FLI1: variants seen among roughly 807,000 people sequenced by gnomAD.
FLI1 encodes Friend leukemia integration 1 transcription factor.
A neutral mutation model predicts 53.1 loss-of-function variants in FLI1; 13 were observed. That is an observed-to-expected ratio of 0.24 (90% CI 0.16 to 0.39). The LOEUF (loss-of-function observed/expected upper bound fraction) is 0.39, where lower values mean the gene tolerates loss of function less well. Ranked by LOEUF, FLI1 falls within the 10% of genes least tolerant of loss-of-function variation. The pLI, the probability that FLI1 is intolerant of heterozygous loss-of-function variation, is 1.00. For synonymous variants in FLI1, 244 were observed against 236.7 expected (o/e 1.03, Z -0.28); for missense variants, 424 against 600.5 (o/e 0.71, Z 3.07).
Position 128,810,438 on chromosome 11 carries a change from C to T in FLI1, c.830-21C>T, listed in dbSNP as rs368925213. 4 of 1,573,620 alleles carry T rather than the reference C, an allele frequency of 2.5e-6. No individual in the cohort carries two copies. Among genetic ancestry groups the T allele is most frequent in the Non-Finnish European group, 3.5e-6 (4 of 1,159,024 alleles). ...TGGGCTGAGGTGTTCTGTTCTCTCC[C>T]GTTTGCCTCACGGCGTGCAGGAAGC... On this transcript the variant is annotated intron_variant, in intron 8 of 8. Coordinates refer to ENST00000527786, the MANE Select transcript of FLI1 (RefSeq NM_002017.5). This position sits in a 1 kb window ranked among gnomAD's most constrained non-coding sequence, Gnocchi z 6.6.
intron 6 of FLI1, chr11:128,805,726 G>A (rs1942764386): frequency 1.3e-5 from 4 of 301,902 alleles, no homozygotes; most frequent in Non-Finnish European, 2.4e-5. Flanking sequence ...CTGTCACTGG[G>A]TTTTGCTTTT....
At chr11:128,731,243 G>C (rs1013284297) in intron 1 of FLI1, among the ~76,000 whole-genome samples, 4 of 152,218 alleles carry the variant, frequency 2.6e-5, no homozygotes, top group African/African-American at 9.6e-5. Flanking sequence ...TGCTGCTTAT[G>C]ACCTGGGCTG....
At chr11:128,756,017 C>T (rs528899747) in intron 1 of FLI1, among the ~76,000 whole-genome samples, 2 of 152,328 alleles carry the variant, frequency 1.3e-5, no homozygotes, top group South Asian at 4.2e-4. Context: ...TGTAATTCTA[C>T]AGGCATATGA....
At chr11:128,741,427 G>A (rs1295777645) in intron 1 of FLI1, among the ~76,000 whole-genome samples, 1 of 152,150 alleles carries the variant, frequency 6.6e-6, no homozygotes, top group African/African-American at 2.4e-5. Context: ...ATAAGACACA[G>A]TCATTCTGCC....
chr11:128,770,814 C>T (rs1462008260), intron 3 of FLI1, among the ~76,000 whole-genome samples: 1 of 152,154 alleles, frequency 6.6e-6, no homozygotes, highest in African/African-American at 2.4e-5. Context: ...TTTCCATTTG[C>T]CAATGATCCA....
At chr11:128,689,859 C>T (rs1397689064), upstream of FLI1, among the ~76,000 whole-genome samples, 2 of 152,096 alleles carry the variant, frequency 1.3e-5, no homozygotes, top group Admixed American at 6.5e-5. Flanking sequence ...AACCCGCCCG[C>T]CCCCGGCCCT....
upstream of FLI1, among the ~76,000 whole-genome samples, chr11:128,691,089 A>T (rs1667915008): frequency 6.6e-6 from 1 of 152,178 alleles, no homozygotes; most frequent in South Asian, 2.1e-4. Flanking sequence ...AACACAAGAC[A>T]GTTTTCATTT....
At chr11:128,737,064 C>T (rs1182602189) in intron 1 of FLI1, among the ~76,000 whole-genome samples, 1 of 152,206 alleles carries the variant, frequency 6.6e-6, no homozygotes, top group Admixed American at 6.5e-5. Context: ...TCTTTCAGTG[C>T]TCAAGAGGCA....
chr11:128,808,839 A>AAT (rs1458954403), intron 7 of FLI1, among the ~76,000 whole-genome samples: 3 of 152,218 alleles, frequency 2.0e-5, no homozygotes, highest in African/African-American at 7.2e-5. Flanking sequence ...TGTATCATTG[A>AAT]ATATTATCCA....
chr11:128,717,558 G>A (rs1440200243), intron 1 of FLI1, among the ~76,000 whole-genome samples: 3 of 152,156 alleles, frequency 2.0e-5, no homozygotes, highest in Admixed American at 1.3e-4. Flanking sequence ...CTTTGTTTGT[G>A]TGCATGCCAG....
At position 128,732,912 on chromosome 11, in the gene FLI1, G is replaced by C. The variant is rs564209489; in HGVS notation, c.19-25203G>C. 1.1e-4 allele frequency among the ~76,000 whole-genome samples: 17 copies of C among 152,342 alleles called. No individual in the cohort carries two copies. In the East Asian group the frequency reaches 3.1e-3, roughly 28 times the overall value. The stretch of plus-strand genomic sequence containing the variant: ...AGGAAAAATCAGATCTAGAGAAGTA[G>C]AGTCCTTCAGCGACTTGCAATAGTG... On this transcript the variant is annotated intron_variant, in intron 1 of 8. Coordinates refer to ENST00000527786, the MANE Select transcript of FLI1 (RefSeq NM_002017.5).
intron 2 of FLI1, among the ~76,000 whole-genome samples, chr11:128,758,852 C>G (rs1404160943): frequency 6.6e-6 from 1 of 152,176 alleles, no homozygotes; most frequent in African/African-American, 2.4e-5. Flanking sequence ...GGGTACAATA[C>G]TGGGTCAGTT....
In FLI1 at chr11:128,812,820, C is replaced by CAATCAATTTTGAAATCTGCAA. The variant is rs1316340464; in HGVS notation, c.*1833_*1834insATCAATTTTGAAATCTGCAAA. 5.3e-6 allele frequency: 1 copy of CAATCAATTTTGAAATCTGCAA among 189,484 alleles called. No homozygotes were observed. The allele number at this position is 189,484 out of a possible 1,614,324, so 11.7% of individuals were successfully genotyped here. A position where few individuals can be genotyped will look rare whatever the true frequency, so the allele number is the denominator to read the frequency against. ...GCCCTGCTTCCTTCAGGTCTCAGAC[C>CAATCAATTTTGAAATCTGCAA]AGGACTTTATGGCTCATGCAGATTT... On this transcript the variant is annotated 3_prime_UTR_variant, in exon 9 of 9. Transcript: ENST00000527786.
chr11:128,753,930 A>G (rs1191233207), intron 1 of FLI1, among the ~76,000 whole-genome samples: 2 of 152,220 alleles, frequency 1.3e-5, no homozygotes, highest in Non-Finnish European at 2.9e-5. Flanking sequence ...TGAACTGCAA[A>G]AAGGGGTGCC....
intron 4 of FLI1, among the ~76,000 whole-genome samples, chr11:128,778,164 A>G (rs1941800173): frequency 6.6e-6 from 1 of 152,202 alleles, no homozygotes; most frequent in East Asian, 1.9e-4. Flanking sequence ...ATACATACAA[A>G]CACATATACA....
chr11:128,805,366 A>G lies in FLI1; in HGVS notation c.656A>G (p.Asp219Gly). The change falls in exon 6 of 9, where the codon GAC becomes GGC. Residue 219 changes from aspartate to glycine, a missense_variant and splice_region_variant. Physicochemically the swap from Asp to Gly is moderately conservative, Grantham distance 94 (BLOSUM62 -1). Around this residue, in one of 5 missense-constraint regions of FLI1, gnomAD observed 114 missense variants for 117.9 expected, o/e 0.97. Transcript: ENST00000527786. ...DQSSRLSVKE[D>G]PSYDSVRRGA... is the part of the protein sequence containing the mutation. Reference sequence around the variant, plus strand: ...ACCCCTATTTGTTATTGTTCATTAGACCCTTCTTATGACTCAGTCAGAAGA... The same window carrying G: ...ACCCCTATTTGTTATTGTTCATTAGGCCCTTCTTATGACTCAGTCAGAAGA... The G allele has an allele frequency of 1.1e-5, 17 of 1,577,892 alleles. No homozygotes were observed. The highest frequency in any genetic ancestry group is 1.5e-5 in the Non-Finnish European group (17 of 1,156,848).
chr11:128,796,989 C>A (rs898895624), intron 5 of FLI1, among the ~76,000 whole-genome samples: 1 of 152,148 alleles, frequency 6.6e-6, no homozygotes, highest in African/African-American at 2.4e-5. Context: ...ACAAAACAAA[C>A]AAACAAACAA....
At chr11:128,736,154 C>T (rs755198580) in intron 1 of FLI1, among the ~76,000 whole-genome samples, 1 of 152,132 alleles carries the variant, frequency 6.6e-6, no homozygotes, top group African/African-American at 2.4e-5. Flanking sequence ...TTCAACCACC[C>T]CCTAAGTCCC....
Position 128,810,803 on chromosome 11 carries a change from C to A in FLI1, c.1174C>A (p.His392Asn). 2 of 1,614,048 alleles carry A rather than the reference C, an allele frequency of 1.2e-6. No individual in the cohort carries two copies. The highest frequency in any genetic ancestry group is 2.2e-5 in the South Asian group (2 of 91,082). ...PSDISYMPSY[H>N]AHQQKVNFVP... is the part of the protein sequence containing the mutation. ...TGACATCTCCTACATGCCTTCCTAC[C>A]ATGCCCACCAGCAGAAGGTGAACTT... Residue 392 changes from histidine (H) to asparagine (N), a missense_variant, in exon 9 of 9, where the codon CAT (histidine) becomes AAT (asparagine). By Grantham distance (68) the His-to-Asn change is moderately conservative. This residue lies in a region of FLI1 where 87 missense variants were observed against 100.0 expected (regional missense o/e 0.87). Transcript: ENST00000527786. This position sits in a 1 kb window ranked among gnomAD's most constrained non-coding sequence, Gnocchi z 6.6.
Sources: allele counts gnomAD v4.1 joint callset (sites outside exome capture counted in the v4.1 genomes callset), GRCh38; gene constraint gnomAD v4.1.1; regional missense constraint gnomAD v4.1.1; non-coding constraint Gnocchi (gnomAD v3.1); transcripts MANE v1.5; gene names NCBI Gene and HGNC (gene_info 2026-07-23, HGNC 2026-07-21).